The following FBXW11 variants were observed in gnomAD, a reference collection of about 807,000 sequenced individuals.
The protein encoded by FBXW11 is F-box and WD repeat domain containing 11.
Under a neutral mutation model 77.6 loss-of-function variants are expected in FBXW11, and 19 were observed. The observed-to-expected ratio is 0.24, with a 90% confidence interval of 0.17 to 0.36. The LOEUF (loss-of-function observed/expected upper bound fraction) is 0.36. FBXW11 is among the 10% of genes least tolerant of loss of function. The pLI, the probability that FBXW11 is intolerant of heterozygous loss-of-function variation, is 1.00. For synonymous variants in FBXW11, 235 were observed against 249.4 expected (o/e 0.94, Z 0.54); for missense variants, 334 against 704.2 (o/e 0.47, Z 5.95).
At chr5:171,921,021 A>G (rs942348023) in intron 2 of FBXW11, among the ~76,000 whole-genome samples, 1 of 152,242 alleles carries the variant, frequency 6.6e-6, no homozygotes. Flanking sequence ...ACTTGTCAAG[A>G]TGTTTTCATC....
rs138367320 is a variant in FBXW11 at position 171,975,941 on chromosome 5, T to G, written c.46-18243A>C. On this transcript the variant is annotated intron_variant, in intron 1 of 13. Transcript: ENST00000517395. ...GTTTGGGAAATGTTGGGAAACACAT[T>G]ATTAAAATGATGATTATCAGGTGAG... Among the ~76,000 whole-genome samples the G allele has an allele frequency of 3.7e-3, 564 of 152,274 alleles. 2 individuals are homozygous for G. The highest frequency in any genetic ancestry group is 5.7e-3 in the Non-Finnish European group (386 of 68,016).
In FBXW11 at chr5:171,977,309, C is replaced by CAA. The variant is rs58800740; in HGVS notation, c.46-19613_46-19612dup. On this transcript the variant is annotated intron_variant, in intron 1 of 13. Transcript: ENST00000517395. ...TGGGCAACAGAGCAAGACCATGTCT[C>CAA]AAAAAAAAAAAAAAAAGAAAGAAAG... 1.8e-3 allele frequency among the ~76,000 whole-genome samples: 112 copies of CAA among 62,854 alleles called. 3 individuals are homozygous for CAA. The South Asian group carries it at 0.02, about 11-fold the overall frequency. 41.2% of individuals were successfully genotyped at this position (62,854 alleles called of 152,430 possible).
intron 2 of FBXW11, among the ~76,000 whole-genome samples, chr5:171,914,741 T>C (rs910097538): frequency 3.0e-4 from 46 of 152,282 alleles, no homozygotes; most frequent in African/African-American, 1.1e-3. Context: ...CAAAGACCCA[T>C]GAGGTTTCCG....
At chr5:171,940,913 T>C (rs1202208443) in intron 2 of FBXW11, among the ~76,000 whole-genome samples, 1 of 148,472 alleles carries the variant, frequency 6.7e-6, no homozygotes, top group Admixed American at 6.7e-5. Context: ...GACGCTGACC[T>C]GAAAAGGCAC....
intron 1 of FBXW11, among the ~76,000 whole-genome samples, chr5:171,989,966 A>C: frequency 6.6e-6 from 1 of 152,280 alleles, no homozygotes; most frequent in East Asian, 1.9e-4. Context: ...GTTTGAGACA[A>C]AGAGAGAGAA....
chr5:171,965,327 C>T (rs1764125579), intron 1 of FBXW11, among the ~76,000 whole-genome samples: 1 of 152,084 alleles, frequency 6.6e-6, no homozygotes, highest in South Asian at 2.1e-4. Flanking sequence ...GAGTTTGAGA[C>T]CAGCCTGGCC....
chr5:171,962,959 C>G (rs938305251), intron 1 of FBXW11, among the ~76,000 whole-genome samples: 2 of 152,038 alleles, frequency 1.3e-5, no homozygotes, highest in Admixed American at 6.5e-5. Context: ...TTCTATAACT[C>G]CCCCCACCAC....
At chr5:171,895,870 C>T (rs1435800397) in intron 6 of FBXW11, among the ~76,000 whole-genome samples, 1 of 152,212 alleles carries the variant, frequency 6.6e-6, no homozygotes. Context: ...AATATGGCTG[C>T]TTCTTTTAGG....
chr5:171,975,805 A>G (rs1764797574), intron 1 of FBXW11, among the ~76,000 whole-genome samples: 1 of 152,188 alleles, frequency 6.6e-6, no homozygotes. Flanking sequence ...GGTGAATAAA[A>G]GGGATTAGGG....
intron 1 of FBXW11, among the ~76,000 whole-genome samples, chr5:171,968,309 T>C (rs1764332618): frequency 6.6e-6 from 1 of 151,586 alleles, no homozygotes; most frequent in Non-Finnish European, 1.5e-5. Context: ...ATACAAAAAA[T>C]TAGCCGGGCA....
Position 171,869,273 on chromosome 5 carries a change from C to G in FBXW11, c.1530+456G>C, listed in dbSNP as rs986928866. ...CTAGTAAATGCAAGAAGTGAAGAAACAGAAATAAAACTACTAAAATCTTTT... is the reference window on the plus strand; with the variant it reads ...CTAGTAAATGCAAGAAGTGAAGAAAGAGAAATAAAACTACTAAAATCTTTT... On this transcript the variant is annotated intron_variant, in intron 12 of 13. Coordinates refer to ENST00000517395, the MANE Select transcript of FBXW11 (RefSeq NM_001378974.1). This position sits in a 1 kb window ranked among gnomAD's most constrained non-coding sequence, Gnocchi z 4.1. Among the ~76,000 whole-genome samples, 1 of 152,234 alleles carries G rather than the reference C, an allele frequency of 6.6e-6. No individual in the cohort carries two copies. The highest frequency in any genetic ancestry group is 3.4e-3 in the Middle Eastern group (1 of 294).
chr5:171,988,132 G>A (rs6555979), intron 1 of FBXW11, among the ~76,000 whole-genome samples: 21,080 of 152,018 alleles, frequency 0.14, 2,735 homozygotes, highest in African/African-American at 0.35. Flanking sequence ...ATGAACTCAC[G>A]GTTCTTTTTA....
At chr5:171,956,495 T>C (rs554973009) in intron 2 of FBXW11, among the ~76,000 whole-genome samples, 2 of 152,162 alleles carry the variant, frequency 1.3e-5, no homozygotes, top group Admixed American at 6.5e-5. Context: ...AGAAAGCAAT[T>C]TGAATCAATA....
chr5:171,996,339 T>C (rs192939890), intron 1 of FBXW11, among the ~76,000 whole-genome samples: 1 of 152,308 alleles, frequency 6.6e-6, no homozygotes, highest in Admixed American at 6.5e-5. Context: ...GTATTTCCTA[T>C]TAGACTATGA....
At chr5:171,930,302 A>C (rs6897918) in intron 2 of FBXW11, among the ~76,000 whole-genome samples, 120,631 of 152,188 alleles carry the variant, frequency 0.79, 51,413 homozygotes, top group East Asian at 0.97. Context: ...ACCTGCAAAA[A>C]ACCTACAGCT....
chr5:171,907,605 T>G (rs1339209439), intron 4 of FBXW11, among the ~76,000 whole-genome samples: 1 of 152,202 alleles, frequency 6.6e-6, no homozygotes, highest in East Asian at 1.9e-4. Context: ...CACTGACATA[T>G]GTATATATGT....
At chr5:171,894,929 G>A (rs1465400584) in intron 6 of FBXW11, among the ~76,000 whole-genome samples, 4 of 151,994 alleles carry the variant, frequency 2.6e-5, no homozygotes, top group East Asian at 1.9e-4. Context: ...TGTTGAAAAC[G>A]TTAACCAAAA....
chr5:171,920,980 C>CA (rs917196518), intron 2 of FBXW11, among the ~76,000 whole-genome samples: 4 of 151,922 alleles, frequency 2.6e-5, no homozygotes, highest in African/African-American at 4.8e-5. Flanking sequence ...AACAAACAAA[C>CA]AAAAAAATCC....
At position 171,878,137 on chromosome 5, in the gene FBXW11, G is replaced by A; in HGVS notation, c.853-8C>T. ...GCTGGTTTTATCCCATATCTATTGAGACAAGATTAGCCACAAACGATGATT... is the reference window on the plus strand; with the variant it reads ...GCTGGTTTTATCCCATATCTATTGAAACAAGATTAGCCACAAACGATGATT... On this transcript the variant is annotated splice_region_variant and splice_polypyrimidine_tract_variant and intron_variant, in intron 7 of 13. Coordinates refer to ENST00000517395, the MANE Select transcript of FBXW11 (RefSeq NM_001378974.1). 1 of 1,581,206 alleles carries A rather than the reference G, an allele frequency of 6.3e-7. No homozygotes were observed. Among genetic ancestry groups the A allele is most frequent in the Non-Finnish European group, 8.7e-7 (1 of 1,151,830 alleles).
Sources: gnomAD v4.1 joint callset for allele counts (sites outside exome capture counted in the v4.1 genomes callset) on GRCh38, gnomAD v4.1.1 for gene constraint, Gnocchi (gnomAD v3.1) non-coding constraint, MANE v1.5 for transcripts, NCBI Gene and HGNC (gene_info 2026-07-23, HGNC 2026-07-21) for gene names.